The following ERO1A variants were observed in gnomAD, a reference collection of about 807,000 sequenced individuals.
ERO1A encodes ERO1-like protein alpha.
ERO1A carries 49 observed loss-of-function variants against 76.9 expected under a neutral mutation model. The ratio of observed to expected loss-of-function variants is 0.64; its 90% CI spans 0.51 to 0.81. The LOEUF (loss-of-function observed/expected upper bound fraction) is 0.81. ERO1A is among the 30% of genes least tolerant of loss of function. ERO1A has a pLI of 0.00. For missense variants in ERO1A, 448 were observed against 542.1 expected (o/e 0.83, Z 1.72); for synonymous variants, 174 against 181.2 (o/e 0.96, Z 0.32).
At chr14:52,687,136 C>T (rs181046169) in intron 1 of ERO1A, among the ~76,000 whole-genome samples, 1 of 152,196 alleles carries the variant, frequency 6.6e-6, no homozygotes, top group Admixed American at 6.5e-5. Flanking sequence ...GAGAACAAAG[C>T]ATGTTACTAG....
At chr14:52,658,363 C>CTTTA (rs1555352754) in intron 9 of ERO1A, 3 of 503,946 alleles carry the variant, frequency 6.0e-6, no homozygotes, top group Non-Finnish European at 3.6e-6. Flanking sequence ...CTTTAAAAGG[C>CTTTA]TTTAGCATTG....
In ERO1A at chr14:52,695,406, G is replaced by T; in HGVS notation, c.76C>A (p.Gln26Lys). The change falls in exon 1 of 16, where the codon CAG becomes AAG. Residue 26 changes from glutamine to lysine, a missense_variant. By Grantham distance (53) the Gln-to-Lys change is moderately conservative. This residue lies in a region of ERO1A where 146 missense variants were observed against 130.2 expected (regional missense o/e 1.12). Coordinates refer to ENST00000395686, the MANE Select transcript of ERO1A (RefSeq NM_014584.3). ...WLLSSGHGEE[Q>K]PPETAAQRCF... ...CTCTGTGCCGCTGTCTCCGGGGGCT[G>T]CTCCTCTCCGTGGCCCGAGCTGAGC... 1.3e-6 allele frequency: 2 copies of T among 1,541,210 alleles called. No individual in the cohort carries two copies. Among genetic ancestry groups the T allele is most frequent in the South Asian group, 1.2e-5 (1 of 82,906 alleles).
chr14:52,661,750 G>A (rs1362335255), intron 8 of ERO1A, among the ~76,000 whole-genome samples: 1 of 151,800 alleles, frequency 6.6e-6, no homozygotes, highest in Non-Finnish European at 1.5e-5. Context: ...TTTAACCTTA[G>A]TCGGGAATAT....
At chr14:52,666,244 CAT>C in intron 7 of ERO1A, 129 bp downstream of exon 7, 1 of 698,404 alleles carries the variant, frequency 1.4e-6, no homozygotes, top group Non-Finnish European at 2.3e-6. Context: ...AATGAATAGT[CAT>C]GTTTCCTTGT....
chr14:52,643,957 G>A (rs1160085188), intron 15 of ERO1A, among the ~76,000 whole-genome samples: 3 of 151,984 alleles, frequency 2.0e-5, no homozygotes, highest in African/African-American at 7.3e-5. Context: ...GGACAACACA[G>A]GGAGACCTGG....
intron 1 of ERO1A, among the ~76,000 whole-genome samples, chr14:52,694,540 T>A (rs2041479430): frequency 1.3e-5 from 2 of 152,120 alleles, no homozygotes; most frequent in Admixed American, 1.3e-4. Flanking sequence ...ACCCTTAATT[T>A]TGTATAAAAC....
chr14:52,664,108 G>T (rs1174413835), intron 7 of ERO1A: 4 of 277,940 alleles, frequency 1.4e-5, no homozygotes, highest in African/African-American at 6.6e-5. Flanking sequence ...GAAAATATCA[G>T]CCAAGCTCTT....
rs1594816553 is a variant in ERO1A, at chr14:52,643,419, G to C, written c.*151C>G. ...TAGACTTAACACAATTTTTAAAAAT[G>C]TGTTTACTTAAAACAATATAATTCT... On this transcript the variant is annotated 3_prime_UTR_variant, in exon 16 of 16. Transcript: ENST00000395686. 2 of 498,622 alleles carry C rather than the reference G, an allele frequency of 4.0e-6. No homozygotes were observed. Among genetic ancestry groups the C allele is most frequent in the East Asian group, 7.1e-5 (2 of 27,978 alleles). 30.9% of individuals were successfully genotyped at this position (498,622 alleles called of 1,614,324 possible). A position where few individuals can be genotyped will look rare whatever the true frequency, so the allele number is the denominator to read the frequency against.
rs960708760 is a variant in ERO1A, at chr14:52,642,810, G to A, written c.*760C>T. ...TATTTAGTATTAGTGAAAGTATTAT[G>A]AGAATAAATATATAATCTATTCAAC... On this transcript the variant is annotated 3_prime_UTR_variant, in exon 16 of 16. Transcript: ENST00000395686. 3 of 152,534 alleles carry A rather than the reference G, an allele frequency of 2.0e-5. No individual in the cohort carries two copies. The highest frequency in any genetic ancestry group is 4.4e-5 in the Non-Finnish European group (3 of 68,002). 9.4% of individuals were successfully genotyped at this position (152,534 alleles called of 1,614,324 possible). A position where few individuals can be genotyped will look rare whatever the true frequency, so the allele number is the denominator to read the frequency against.
intron 11 of ERO1A, among the ~76,000 whole-genome samples, chr14:52,653,960 T>C: frequency 6.6e-6 from 1 of 152,122 alleles, no homozygotes; most frequent in East Asian, 1.9e-4. Context: ...AAGAAAATTA[T>C]AGAGTAAGTG....
intron 4 of ERO1A, among the ~76,000 whole-genome samples, chr14:52,676,278 T>C (rs764352044): frequency 5.3e-5 from 8 of 152,244 alleles, no homozygotes; most frequent in Non-Finnish European, 1.0e-4. Flanking sequence ...ATAAAATAAC[T>C]ACACAGTTAT....
Position 52,683,774 on chromosome 14 carries a change from A to T in ERO1A, c.234+14T>A. The T allele has an allele frequency of 8.0e-7, 1 of 1,245,822 alleles. No homozygotes were observed. The highest frequency in any genetic ancestry group is 1.7e-5 in the South Asian group (1 of 59,520). 77.2% of individuals were successfully genotyped at this position (1,245,822 alleles called of 1,614,324 possible). ...TTAAAGTATTCATATATAAAAAATT[A>T]AAATTAAAAATACCTTGTAATACCT... On this transcript the variant is annotated intron_variant, in intron 2 of 15. Transcript: ENST00000395686.
intron 11 of ERO1A, among the ~76,000 whole-genome samples, chr14:52,655,505 G>A (rs986592019): frequency 4.6e-5 from 7 of 152,138 alleles, no homozygotes; most frequent in South Asian, 2.1e-4. Context: ...TACAGCACAT[G>A]TTTCCATGTA....
At chr14:52,669,166 GCTTT>G (rs2040514095) in intron 6 of ERO1A, among the ~76,000 whole-genome samples, 1 of 152,000 alleles carries the variant, frequency 6.6e-6, no homozygotes, top group Admixed American at 6.6e-5. Context: ...TCCTGCTAAA[GCTTT>G]CTTTAAAATA....
At chr14:52,680,122 G>A (rs2040944640) in intron 3 of ERO1A, among the ~76,000 whole-genome samples, 1 of 147,578 alleles carries the variant, frequency 6.8e-6, no homozygotes, top group African/African-American at 2.5e-5. Flanking sequence ...TGGCATGAAA[G>A]GCATTCTGCC....
intron 11 of ERO1A, among the ~76,000 whole-genome samples, chr14:52,657,307 CAA>C (rs1402111626): frequency 1.3e-5 from 2 of 152,304 alleles, no homozygotes; most frequent in Non-Finnish European, 2.9e-5. Flanking sequence ...TTTTCCTGGG[CAA>C]AGCCAAGTGC....
At position 52,666,320 on chromosome 14, in the gene ERO1A, T is replaced by C. The variant is rs568385452; in HGVS notation, c.629+55A>G. 1.6e-4 allele frequency: 207 copies of C among 1,284,536 alleles called. 3 individuals are homozygous for C. The East Asian group carries it at 4.8e-3, about 30-fold the overall frequency. The allele number at this position is 1,284,536 out of a possible 1,614,324, so 79.6% of individuals were successfully genotyped here. A position where few individuals can be genotyped will look rare whatever the true frequency, so the allele number is the denominator to read the frequency against. Reference sequence around the variant, plus strand: ...TTTTAAATCATTATGATTTTGTTTATAAAGAGAAATCACCACATCTTATAG... The same window carrying C: ...TTTTAAATCATTATGATTTTGTTTACAAAGAGAAATCACCACATCTTATAG... On this transcript the variant is annotated intron_variant, in intron 7 of 15. Coordinates refer to ENST00000395686, the MANE Select transcript of ERO1A (RefSeq NM_014584.3).
At chr14:52,672,687 T>C (rs1039971009) in intron 4 of ERO1A, among the ~76,000 whole-genome samples, 2 of 151,216 alleles carry the variant, frequency 1.3e-5, no homozygotes, top group Non-Finnish European at 2.9e-5. Context: ...GCAGGATTGC[T>C]TGAGCCCAGG....
Position 52,683,867 on chromosome 14 carries a change from G to A in ERO1A, c.155C>T (p.Thr52Ile), listed in dbSNP as rs2041082985. The change falls in exon 2 of 16, where the codon ACC becomes ATC. Residue 52 changes from threonine (T) to isoleucine (I), a missense_variant. By Grantham distance (89) the Thr-to-Ile change is moderately conservative. Coordinates refer to ENST00000395686, the MANE Select transcript of ERO1A (RefSeq NM_014584.3). The part of the protein sequence containing the change: ...YLDDCTCDVE[T>I]IDRFNNYRLF... ...CCTGTAGTTATTAAATCTATCAATGGTTTCAACATCACAGGTACAATCATC... is the reference window on the plus strand; with the variant it reads ...CCTGTAGTTATTAAATCTATCAATGATTTCAACATCACAGGTACAATCATC... 5 of 1,588,600 alleles carry A rather than the reference G, an allele frequency of 3.1e-6. No individual in the cohort carries two copies. The highest frequency in any genetic ancestry group is 4.3e-6 in the Non-Finnish European group (5 of 1,162,624).
Sources: allele counts gnomAD v4.1 joint callset (sites outside exome capture counted in the v4.1 genomes callset), GRCh38; gene constraint gnomAD v4.1.1; regional missense constraint gnomAD v4.1.1; transcripts MANE v1.5; gene names NCBI Gene and HGNC (gene_info 2026-07-23, HGNC 2026-07-21).